Variants in CMTR1 observed in about 807,000 individuals in gnomAD.
The protein encoded by CMTR1 is cap-specific mRNA (nucleoside-2'-O-)-methyltransferase 1.
Under a neutral mutation model 107.0 loss-of-function variants are expected in CMTR1, and 39 were observed. That is an observed-to-expected ratio of 0.36 (90% CI 0.28 to 0.48). The LOEUF is 0.48. Ranked by LOEUF, CMTR1 falls within the 20% of genes least tolerant of loss-of-function variation. The pLI is 0.99. For synonymous variants in CMTR1, 366 were observed against 379.5 expected (o/e 0.96, Z 0.41); for missense variants, 672 against 1,064.9 (o/e 0.63, Z 5.14).
Position 37,446,282 on chromosome 6 carries a change from C to CT in CMTR1, c.286-4dup. 9.3e-6 allele frequency: 15 copies of CT among 1,613,750 alleles called. No homozygotes were observed. Among genetic ancestry groups the CT allele is most frequent in the Non-Finnish European group, 1.2e-5 (14 of 1,179,844 alleles). On this transcript the variant is annotated splice_polypyrimidine_tract_variant and intron_variant, in intron 3 of 23. Transcript: ENST00000373451. ...TAATTAATTGTGCTCCACTACTTCTCTTTTTCAGGCCAAGATGGGCTTCAG... is the reference window on the plus strand; with the variant it reads ...TAATTAATTGTGCTCCACTACTTCTCTTTTTTCAGGCCAAGATGGGCTTCAG...
At chr6:37,474,297 G>A (rs1302355414) in intron 17 of CMTR1, among the ~76,000 whole-genome samples, 1 of 152,188 alleles carries the variant, frequency 6.6e-6, no homozygotes, top group Non-Finnish European at 1.5e-5. Context: ...CCCTGCACCC[G>A]TTCCAAGGCT....
At chr6:37,452,908 G>T in intron 6 of CMTR1, 139 bp from the exon 7 acceptor site, 1 of 740,658 alleles carries the variant, frequency 1.4e-6, no homozygotes, top group Non-Finnish European at 2.4e-6. Flanking sequence ...AGCCTGTGTA[G>T]GGTCACACAG....
chr6:37,470,152 CTT>C (rs1191018987), intron 13 of CMTR1, among the ~76,000 whole-genome samples: 2 of 145,086 alleles, frequency 1.4e-5, no homozygotes, highest in Non-Finnish European at 1.5e-5. Flanking sequence ...GTCATTCACC[CTT>C]TTTTTTTTTT....
In CMTR1 at chr6:37,480,059, C is replaced by G; in HGVS notation, c.2422C>G (p.Arg808Gly). 1 of 1,582,964 alleles carries G rather than the reference C, an allele frequency of 6.3e-7. No individual in the cohort carries two copies. The highest frequency in any genetic ancestry group is 8.6e-7 in the Non-Finnish European group (1 of 1,168,880). ...RLFWEWGDGI[R>G]VHDSQKPQDQ... is the part of the protein sequence containing the mutation. ...CTTCTGGGAGTGGGGGGATGGCATTCGTGTGCATGACTCCCAGAAGCCCCA... is the reference window on the plus strand; with the variant it reads ...CTTCTGGGAGTGGGGGGATGGCATTGGTGTGCATGACTCCCAGAAGCCCCA... The change falls in exon 24 of 24, where the codon CGT becomes GGT. Residue 808 changes from arginine (R) to glycine (G), a missense_variant. By Grantham distance (125) the Arg-to-Gly change is moderately radical (BLOSUM62 -2). Transcript: ENST00000373451.
intron 20 of CMTR1, among the ~76,000 whole-genome samples, chr6:37,476,809 G>GGTAT (rs1222426989): frequency 6.6e-6 from 1 of 152,162 alleles, no homozygotes; most frequent in Non-Finnish European, 1.5e-5. Flanking sequence ...TGGAGACTGA[G>GGTAT]GTATCTATTT....
In CMTR1 at chr6:37,471,863, C is replaced by T; in HGVS notation, c.1579C>T (p.Arg527Ter). The T allele has an allele frequency of 6.2e-7, 1 of 1,613,884 alleles. No homozygotes were observed. The highest frequency in any genetic ancestry group is 8.5e-7 in the Non-Finnish European group (1 of 1,179,974). The change falls in exon 15 of 24, where the codon CGA (arginine) becomes TGA (stop). Residue 527 changes from arginine to a stop codon, truncating the protein, a stop_gained. Coordinates refer to ENST00000373451, the MANE Select transcript of CMTR1 (RefSeq NM_015050.3). LOFTEE classifies it high-confidence loss of function. ...TATTCCCAGGACACTGAGTGAGCCT[C>T]GACAGGCAGAGATACGGAAGGAGTG... ...FVQDTTLSEPRQAEIRKECLR... is the reference protein window; with the variant it reads ...FVQDTTLSEP
chr6:37,434,412 T>C (rs1018041420), intron 1 of CMTR1, among the ~76,000 whole-genome samples: 9 of 152,326 alleles, frequency 5.9e-5, no homozygotes, highest in Non-Finnish European at 1.0e-4. Flanking sequence ...CCACCCTGTA[T>C]TGAGTCCTCT....
intron 13 of CMTR1, among the ~76,000 whole-genome samples, chr6:37,468,305 C>A (rs1427235878): frequency 6.6e-6 from 1 of 151,806 alleles, no homozygotes; most frequent in Non-Finnish European, 1.5e-5. Context: ...GTTCTTTTGT[C>A]TTTGTGTTTT....
At chr6:37,425,413 C>A in the CMTR1 span, among the ~76,000 whole-genome samples, 1 of 151,712 alleles carries the variant, frequency 6.6e-6, no homozygotes, top group Non-Finnish European at 1.5e-5. Context: ...TCTCGTGCCT[C>A]AGCCTCCTGA....
At chr6:37,456,538 G>A (rs1474439056) in intron 8 of CMTR1, among the ~76,000 whole-genome samples, 1 of 152,150 alleles carries the variant, frequency 6.6e-6, no homozygotes, top group Non-Finnish European at 1.5e-5. Flanking sequence ...GAAGTGATTG[G>A]GTTGTAAACA....
intron 6 of CMTR1, 81 bp from the exon 7 acceptor site, chr6:37,452,966 G>C (rs1384051673): frequency 8.5e-7 from 1 of 1,177,936 alleles, no homozygotes; most frequent in Non-Finnish European, 1.3e-6. Context: ...TTCCTTGGAG[G>C]GCTGTGAGTT....
intron 13 of CMTR1, among the ~76,000 whole-genome samples, chr6:37,465,854 A>G (rs904235446): frequency 1.4e-4 from 22 of 151,954 alleles, no homozygotes; most frequent in Non-Finnish European, 1.5e-5. Flanking sequence ...GTTGAACTGT[A>G]GGAGTTCTTT....
At position 37,480,352 on chromosome 6, in the gene CMTR1, T is replaced by G; in HGVS notation, c.*207T>G. 7.3e-7 allele frequency: 1 copy of G among 1,361,534 alleles called. No individual in the cohort carries two copies. The highest frequency in any genetic ancestry group is 2.7e-4 in the Middle Eastern group (1 of 3,710). 84.3% of individuals were successfully genotyped at this position (1,361,534 alleles called of 1,614,324 possible). On this transcript the variant is annotated 3_prime_UTR_variant, in exon 24 of 24. Coordinates refer to ENST00000373451, the MANE Select transcript of CMTR1 (RefSeq NM_015050.3). The stretch of plus-strand genomic sequence containing the variant: ...ACACTCATGTTCCTTCTGGGACACC[T>G]GCCTGGGAACTTTCCCCTGCCAGGA...
Position 37,479,235 on chromosome 6 carries a change from A to G in CMTR1, c.2355A>G (p.Ala785=). ...KTKDSTFDLP[A]DSIAPFHICY... ...AGGACTCTACTTTTGACCTCCCTGC[A>G]GACTCCATTGCCCCATTTCAGTAAG... The change falls in exon 23 of 24, where the codon GCA becomes GCG. Residue 785 remains alanine (A), a synonymous_variant. Coordinates refer to ENST00000373451, the MANE Select transcript of CMTR1 (RefSeq NM_015050.3). The G allele has an allele frequency of 1.2e-6, 2 of 1,612,566 alleles. No homozygotes were observed. Among genetic ancestry groups the G allele is most frequent in the Non-Finnish European group, 1.7e-6 (2 of 1,178,530 alleles).
chr6:37,473,630 C>G, intron 17 of CMTR1, 29 bp downstream of exon 17: 1 of 1,606,568 alleles, frequency 6.2e-7, no homozygotes, highest in South Asian at 1.1e-5. Flanking sequence ...TCCTGCCCAG[C>G]TTGGAATGGT....
At chr6:37,449,913 A>G (rs1365509471) in intron 4 of CMTR1, among the ~76,000 whole-genome samples, 1 of 152,190 alleles carries the variant, frequency 6.6e-6, no homozygotes, top group Non-Finnish European at 1.5e-5. Context: ...TCTGATTGCA[A>G]ACCCCTTTTG....
intron 8 of CMTR1, among the ~76,000 whole-genome samples, chr6:37,455,488 G>A (rs1761272960): frequency 6.6e-6 from 1 of 152,204 alleles, no homozygotes; most frequent in Admixed American, 6.6e-5. Flanking sequence ...AAGAGACAAA[G>A]GACGGAGGGA....
intron 13 of CMTR1, among the ~76,000 whole-genome samples, chr6:37,463,642 T>G (rs907068977): frequency 1.3e-5 from 2 of 152,180 alleles, no homozygotes; most frequent in African/African-American, 4.8e-5. Context: ...AAATGCTCTC[T>G]TAGGGGGCTA....
At chr6:37,468,844 T>C (rs900294398) in intron 13 of CMTR1, among the ~76,000 whole-genome samples, 5 of 151,992 alleles carry the variant, frequency 3.3e-5, no homozygotes, top group African/African-American at 1.2e-4. Context: ...GATTGTGCCA[T>C]TGCACTCTAG....
Sources: allele counts gnomAD v4.1 joint callset (sites outside exome capture counted in the v4.1 genomes callset), GRCh38; gene constraint gnomAD v4.1.1; transcripts MANE v1.5; gene names NCBI Gene and HGNC (gene_info 2026-07-23, HGNC 2026-07-21).